The following CREBRF variants were observed in gnomAD, a reference collection of about 807,000 sequenced individuals.
CREBRF encodes UPF0474 protein C5orf41.
In CREBRF, 5 loss-of-function variants were observed where a neutral mutation model predicts 66.1. That is an observed-to-expected ratio of 0.08 (90% confidence interval 0.04 to 0.16). CREBRF has a LOEUF of 0.16. Among genes scored for constraint, CREBRF ranks in the 10% least tolerant of loss-of-function variants. CREBRF has a pLI of 1.00. For synonymous variants in CREBRF, 229 were observed against 264.4 expected (o/e 0.87, Z 1.30); for missense variants, 531 against 744.9 (o/e 0.71, Z 3.34).
chr5:173,118,772 G>T (rs1030987683), intron 7 of CREBRF, among the ~76,000 whole-genome samples: 23 of 150,828 alleles, frequency 1.5e-4, no homozygotes, highest in Middle Eastern at 6.8e-3. Context: ...GGGCATGGTG[G>T]CTCATGCCTG....
At chr5:173,108,247 AATC>A (rs1356121680) in intron 4 of CREBRF, among the ~76,000 whole-genome samples, 2 of 152,178 alleles carry the variant, frequency 1.3e-5, no homozygotes, top group African/African-American at 4.8e-5. Flanking sequence ...GACATTTAAA[AATC>A]ATAGTTTATG....
chr5:173,116,557 A>G (rs1450978471), intron 7 of CREBRF, among the ~76,000 whole-genome samples: 3 of 152,230 alleles, frequency 2.0e-5, no homozygotes, highest in Non-Finnish European at 2.9e-5. Context: ...ACCTGTATCA[A>G]TAGTTAGATC....
At position 173,129,023 on chromosome 5, in the gene CREBRF, A is replaced by C. The variant is rs539487439; in HGVS notation, c.1805-4607A>C. Among the ~76,000 whole-genome samples, 162 of 137,772 alleles carry C rather than the reference A, an allele frequency of 1.2e-3. 1 individual carries two copies. Among genetic ancestry groups the C allele is most frequent in the Non-Finnish European group, 7.8e-4 (51 of 65,214 alleles). The allele number at this position is 137,772 out of a possible 152,430, so 90.4% of individuals were successfully genotyped here. ...TCTCGATCTCCTGACCTCGTGATCCACCCGCCTCGGCCTCCCATAGTGCTG... is the reference window on the plus strand; with the variant it reads ...TCTCGATCTCCTGACCTCGTGATCCCCCCGCCTCGGCCTCCCATAGTGCTG... On this transcript the variant is annotated intron_variant, in intron 8 of 8. Coordinates refer to ENST00000296953, the MANE Select transcript of CREBRF (RefSeq NM_153607.3).
intron 1 of CREBRF, among the ~76,000 whole-genome samples, chr5:173,065,637 C>CT (rs1757413385): frequency 2.7e-5 from 2 of 73,302 alleles, no homozygotes; most frequent in African/African-American, 1.1e-4. Flanking sequence ...GGTTATATTT[C>CT]TTTCCTTTTC....
intron 1 of CREBRF, among the ~76,000 whole-genome samples, chr5:173,067,892 C>T (rs934107829): frequency 2.0e-5 from 3 of 151,662 alleles, no homozygotes; most frequent in Non-Finnish European, 4.4e-5. Flanking sequence ...CCCAGCTACT[C>T]GGGAGGCTGA....
chr5:173,067,707 C>T (rs1209027253), intron 1 of CREBRF, among the ~76,000 whole-genome samples: 2 of 152,126 alleles, frequency 1.3e-5, no homozygotes, highest in Admixed American at 6.6e-5. Flanking sequence ...TTTAAATCTT[C>T]AGTTAATTGG....
At position 173,090,763 on chromosome 5, in the gene CREBRF, T is replaced by C. The variant is rs775374350; in HGVS notation, c.584T>C (p.Val195Ala). The part of the protein sequence containing the change: ...VCSSKTLQAE[V>A]PLSDCVQKAS... The stretch of plus-strand genomic sequence containing the variant: ...TCTTCTAAGACTCTGCAGGCTGAGG[T>C]CCCTTTGTCAGACTGTGTCCAAAAA... The change falls in exon 4 of 9, where the codon GTC (valine) becomes GCC (alanine). Residue 195 changes from valine to alanine, a missense_variant. Coordinates refer to ENST00000296953, the MANE Select transcript of CREBRF (RefSeq NM_153607.3). The surrounding 1 kb of genome is among the most constrained non-coding windows in gnomAD (Gnocchi z 4.5). 3 of 1,614,130 alleles carry C rather than the reference T, an allele frequency of 1.9e-6. No individual in the cohort carries two copies. In the South Asian group the frequency reaches 3.3e-5, roughly 18 times the overall value.
At chr5:173,118,760 C>T (rs1449929268) in intron 7 of CREBRF, among the ~76,000 whole-genome samples, 12 of 149,094 alleles carry the variant, frequency 8.0e-5, no homozygotes, top group African/African-American at 2.5e-4. Context: ...AGAGACAGGG[C>T]TGGGCATGGT....
intron 4 of CREBRF, among the ~76,000 whole-genome samples, chr5:173,094,177 A>G (rs1758419626): frequency 6.6e-6 from 1 of 152,140 alleles, no homozygotes; most frequent in Non-Finnish European, 1.5e-5. Flanking sequence ...TTCTTTATGT[A>G]TATGTTCATT....
intron 4 of CREBRF, among the ~76,000 whole-genome samples, chr5:173,107,283 C>A (rs1260230413): frequency 2.6e-5 from 4 of 152,158 alleles, no homozygotes; most frequent in African/African-American, 9.7e-5. Flanking sequence ...TTCCTGGTTA[C>A]CTTAGGTTTG....
chr5:173,128,812 G>T (rs1169872808), intron 8 of CREBRF, among the ~76,000 whole-genome samples: 1 of 151,552 alleles, frequency 6.6e-6, no homozygotes, highest in Non-Finnish European at 1.5e-5. Context: ...ACGGAGTCTC[G>T]CTCTGTACCC....
chr5:173,086,454 C>G, intron 2 of CREBRF, 47 bp from the exon 3 acceptor site: 1 of 1,593,542 alleles, frequency 6.3e-7, no homozygotes, highest in Non-Finnish European at 8.6e-7. Context: ...ATAAATTGGT[C>G]TCAAAGTAGT....
chr5:173,106,203 G>A (rs1329139503), intron 4 of CREBRF, among the ~76,000 whole-genome samples: 1 of 151,488 alleles, frequency 6.6e-6, no homozygotes, highest in East Asian at 2.0e-4. Context: ...GCCGTGGCGG[G>A]TGGATCATGA....
At chr5:173,115,695 TG>T (rs1336591432) in intron 7 of CREBRF, among the ~76,000 whole-genome samples, 1 of 152,172 alleles carries the variant, frequency 6.6e-6, no homozygotes, top group African/African-American at 2.4e-5. Flanking sequence ...TGGAGTGCAG[TG>T]GTGCAATCTC....
chr5:173,112,431 A>ACT, intron 7 of CREBRF, 52 bp downstream of exon 7: 1 of 1,222,024 alleles, frequency 8.2e-7, no homozygotes, highest in Non-Finnish European at 1.2e-6. Context: ...TTTGCTGACC[A>ACT]CTCTCTCTTT....
At chr5:173,111,790 T>C (rs899383735) in intron 6 of CREBRF, among the ~76,000 whole-genome samples, 10 of 152,252 alleles carry the variant, frequency 6.6e-5, no homozygotes, top group African/African-American at 2.2e-4. Context: ...TATATGCTTA[T>C]AAGAAACTGC....
chr5:173,109,759 ATGTT>A (rs1353097723), intron 5 of CREBRF: 1 of 152,298 alleles, frequency 6.6e-6, no homozygotes, highest in Non-Finnish European at 1.5e-5. Flanking sequence ...CATCTGATGT[ATGTT>A]TGTGTCTCAT....
chr5:173,108,700 C>T lies in CREBRF; in HGVS notation c.1299C>T (p.Tyr433=), dbSNP rs765227967. ...ISSRKRGKRR[Y]FWEYSEQLTP... ...CACGGAAGAGAGGTAAAAGAAGATACTTCTGGGAGTATAGTGAACAACTTA... is the reference window on the plus strand; with the variant it reads ...CACGGAAGAGAGGTAAAAGAAGATATTTCTGGGAGTATAGTGAACAACTTA... The change falls in exon 5 of 9, where the codon TAC becomes TAT. Residue 433 remains tyrosine (Y), a synonymous_variant. Transcript: ENST00000296953. 1.9e-6 allele frequency: 3 copies of T among 1,613,872 alleles called. No individual in the cohort carries two copies. The highest frequency in any genetic ancestry group is 1.1e-5 in the South Asian group (1 of 91,052).
intron 7 of CREBRF, among the ~76,000 whole-genome samples, chr5:173,116,017 C>A (rs1314462224): frequency 6.6e-6 from 1 of 152,190 alleles, no homozygotes; most frequent in Non-Finnish European, 1.5e-5. Context: ...CTGGTTTTTA[C>A]ACCAGGCATT....
Sources: gnomAD v4.1 joint callset for allele counts (sites outside exome capture counted in the v4.1 genomes callset) on GRCh38, gnomAD v4.1.1 for gene constraint, Gnocchi (gnomAD v3.1) non-coding constraint, MANE v1.5 for transcripts, NCBI Gene and HGNC (gene_info 2026-07-23, HGNC 2026-07-21) for gene names.